Variants in PSMD14 observed in about 807,000 individuals in gnomAD.
PSMD14 encodes the protein proteasome 26S subunit, non-ATPase 14.
A neutral mutation model predicts 41.2 loss-of-function variants in PSMD14; 7 were observed. The observed-to-expected ratio is 0.17, with a 90% confidence interval of 0.10 to 0.32. The LOEUF (loss-of-function observed/expected upper bound fraction) is 0.32, where lower values mean the gene tolerates loss of function less well. Ranked by LOEUF, PSMD14 falls within the 10% of genes least tolerant of loss-of-function variation. The pLI, the probability that PSMD14 is intolerant of heterozygous loss-of-function variation, is 1.00. For missense variants in PSMD14, 139 were observed against 375.6 expected (o/e 0.37, Z 5.21); for synonymous variants, 114 against 122.3 (o/e 0.93, Z 0.45).
At chr2:161,411,266 G>A in intron 11 of PSMD14, 36 bp from the exon 12 acceptor site, 2 of 1,442,752 alleles carry the variant, frequency 1.4e-6, no homozygotes, top group Non-Finnish European at 1.9e-6. Flanking sequence ...CAGTAATATG[G>A]TTCTGTTTTC....
At chr2:161,328,890 C>CTAAATAACAT (rs542481925) in intron 3 of PSMD14, among the ~76,000 whole-genome samples, 19 of 152,128 alleles carry the variant, frequency 1.2e-4, no homozygotes, top group Admixed American at 2.6e-4. Context: ...TGGAATAACA[C>CTAAATAACAT]TAAATAACAT....
At chr2:161,400,727 G>A (rs1683863766) in intron 10 of PSMD14, among the ~76,000 whole-genome samples, 1 of 151,752 alleles carries the variant, frequency 6.6e-6, no homozygotes, top group South Asian at 2.1e-4. Context: ...CTAATTTTTT[G>A]TAGAGATGGG....
chr2:161,310,747 T>C (rs1162585616), intron 1 of PSMD14, among the ~76,000 whole-genome samples: 1 of 152,184 alleles, frequency 6.6e-6, no homozygotes, highest in Non-Finnish European at 1.5e-5. Flanking sequence ...TAGAAGAGGG[T>C]AAAAATTAGT....
At chr2:161,363,103 G>A (rs1683311811) in intron 3 of PSMD14, among the ~76,000 whole-genome samples, 2 of 152,306 alleles carry the variant, frequency 1.3e-5, no homozygotes, top group Middle Eastern at 3.4e-3. Flanking sequence ...CAGATCAGTG[G>A]CGGCATTATA....
At chr2:161,337,767 A>C (rs1682889740) in intron 3 of PSMD14, among the ~76,000 whole-genome samples, 1 of 152,238 alleles carries the variant, frequency 6.6e-6, no homozygotes, top group South Asian at 2.1e-4. Flanking sequence ...GATGTGCTGT[A>C]GCAGGAAGGG....
intron 9 of PSMD14, 109 bp downstream of exon 9, chr2:161,391,287 C>T: frequency 9.0e-7 from 1 of 1,105,638 alleles, no homozygotes. Context: ...TTCAGTGTTT[C>T]CAAATATTAT....
At position 161,315,954 on chromosome 2, in the gene PSMD14, G is replaced by A. The variant is rs1301033067; in HGVS notation, c.-137-483G>A. Among the ~76,000 whole-genome samples, 3 of 148,598 alleles carry A rather than the reference G, an allele frequency of 2.0e-5. No individual in the cohort carries two copies. In the East Asian group the frequency reaches 6.0e-4, roughly 30 times the overall value. On this transcript the variant is annotated intron_variant, in intron 1 of 11. Coordinates refer to ENST00000409682, the MANE Select transcript of PSMD14 (RefSeq NM_005805.6). ...CCTCTGGGGTTCAAGCGATTCTCCTGCCTCAGCCACCTGAGTAGCTGGGAT... is the reference window on the plus strand; with the variant it reads ...CCTCTGGGGTTCAAGCGATTCTCCTACCTCAGCCACCTGAGTAGCTGGGAT...
intron 11 of PSMD14, among the ~76,000 whole-genome samples, chr2:161,410,520 C>T (rs1252973366): frequency 6.6e-6 from 1 of 151,806 alleles, no homozygotes; most frequent in East Asian, 1.9e-4. Flanking sequence ...CTTAATTCTG[C>T]CTAAAACATA....
chr2:161,338,851 T>C (rs1682906855), intron 3 of PSMD14, among the ~76,000 whole-genome samples: 1 of 152,188 alleles, frequency 6.6e-6, no homozygotes, highest in Non-Finnish European at 1.5e-5. Flanking sequence ...TGATTTGCTG[T>C]CACTATACAT....
intron 3 of PSMD14, among the ~76,000 whole-genome samples, chr2:161,344,258 T>C (rs1683010207): frequency 6.6e-6 from 1 of 152,120 alleles, no homozygotes; most frequent in Non-Finnish European, 1.5e-5. Context: ...ATAGATTGAG[T>C]GGCTTAAATA....
chr2:161,411,084 CA>C (rs1684016426), intron 11 of PSMD14, among the ~76,000 whole-genome samples: 1 of 152,076 alleles, frequency 6.6e-6, no homozygotes, highest in African/African-American at 2.4e-5. Context: ...TTGTATAAAT[CA>C]AGCTTTCATT....
At chr2:161,389,639 A>AT (rs1683680017) in intron 8 of PSMD14, among the ~76,000 whole-genome samples, 2 of 152,030 alleles carry the variant, frequency 1.3e-5, no homozygotes, top group South Asian at 4.1e-4. Context: ...CATCTAAAAT[A>AT]TTTTAATACT....
chr2:161,348,580 T>C (rs1367317395), intron 3 of PSMD14, among the ~76,000 whole-genome samples: 1 of 152,232 alleles, frequency 6.6e-6, no homozygotes, highest in Non-Finnish European at 1.5e-5. Context: ...TTCATACTAA[T>C]GAAAAAGCAC....
At chr2:161,361,100 A>C (rs1335993833) in intron 3 of PSMD14, among the ~76,000 whole-genome samples, 1 of 152,226 alleles carries the variant, frequency 6.6e-6, no homozygotes, top group South Asian at 2.1e-4. Context: ...ATAGGCATTC[A>C]CCAATATTTT....
chr2:161,359,366 A>G (rs1311971858), intron 3 of PSMD14, among the ~76,000 whole-genome samples: 1 of 152,162 alleles, frequency 6.6e-6, no homozygotes. Flanking sequence ...CTGGTAATAT[A>G]TTTGAGAACT....
At chr2:161,318,734 C>A (rs1417185801) in intron 2 of PSMD14, 88 bp from the exon 3 acceptor site, 1 of 973,598 alleles carries the variant, frequency 1.0e-6, no homozygotes, top group Non-Finnish European at 1.6e-6. Context: ...TTTTGACATA[C>A]TGAGTGACTG....
At chr2:161,407,161 T>C (rs1321325369) in intron 10 of PSMD14, among the ~76,000 whole-genome samples, 3 of 152,130 alleles carry the variant, frequency 2.0e-5, no homozygotes, top group African/African-American at 4.8e-5. Context: ...TTTAAGTCAA[T>C]AAAGTTTAGT....
At position 161,335,374 on chromosome 2, in the gene PSMD14, G is replaced by A. The variant is rs903526880; in HGVS notation, c.48+16501G>A. ...CAGCCATTAGCCACATAGTGCTACC[G>A]AGTCCTTGAAATGTAGCTGTTATGA... On this transcript the variant is annotated intron_variant, in intron 3 of 11. Transcript: ENST00000409682. 1.1e-4 allele frequency among the ~76,000 whole-genome samples: 17 copies of A among 152,252 alleles called. No individual in the cohort carries two copies. In the East Asian group the frequency reaches 2.7e-3, roughly 24 times the overall value.
intron 8 of PSMD14, among the ~76,000 whole-genome samples, chr2:161,386,147 T>C (rs1413268822): frequency 1.3e-5 from 2 of 151,904 alleles, no homozygotes; most frequent in Non-Finnish European, 2.9e-5. Flanking sequence ...AGACACTTAA[T>C]ATCCTCTTGA....
Sources: allele counts gnomAD v4.1 joint callset (sites outside exome capture counted in the v4.1 genomes callset), GRCh38; gene constraint gnomAD v4.1.1; transcripts MANE v1.5; gene names NCBI Gene and HGNC (gene_info 2026-07-23, HGNC 2026-07-21).